The following ABCA12 variants were observed in gnomAD, a reference collection of about 807,000 sequenced individuals.
The protein encoded by ABCA12 is ATP binding cassette subfamily A member 12, also known as glucosylceramide transporter ABCA12.
ABCA12 carries 156 observed loss-of-function variants against 293.5 expected under a neutral mutation model. The observed-to-expected ratio is 0.53, with a 90% confidence interval of 0.47 to 0.61. ABCA12 has a LOEUF of 0.61. ABCA12 is among the 20% of genes least tolerant of loss of function. ABCA12 has a pLI of 0.00. For synonymous variants in ABCA12, 1,063 were observed against 1,108.0 expected (o/e 0.96, Z 0.81); for missense variants, 2,797 against 3,090.2 (o/e 0.91, Z 2.25).
intron 41 of ABCA12, among the ~76,000 whole-genome samples, chr2:214,957,543 T>C (rs1559114038): frequency 1.3e-5 from 2 of 152,190 alleles, no homozygotes; most frequent in African/African-American, 2.4e-5. Flanking sequence ...AACAAACACA[T>C]TTTAGACCTC....
In ABCA12 at chr2:215,009,466, A is replaced by T. The variant is rs554279837; in HGVS notation, c.2472+865T>A. Among the ~76,000 whole-genome samples, 15 of 94,618 alleles carry T rather than the reference A, an allele frequency of 1.6e-4. No homozygotes were observed. In the South Asian group the frequency reaches 4.4e-3, roughly 28 times the overall value. 62.1% of individuals were successfully genotyped at this position (94,618 alleles called of 152,430 possible). On this transcript the variant is annotated intron_variant, in intron 18 of 52. Coordinates refer to ENST00000272895, the MANE Select transcript of ABCA12 (RefSeq NM_173076.3). ...TAACCCTGAACTTAAAATAAAAGTT[A>T]AAAAAAATCAACAAATAATTGTTTA...
rs140452124 is a variant in ABCA12 at position 215,120,676 on chromosome 2, T to C, written c.70-8986A>G. 4.7e-3 allele frequency among the ~76,000 whole-genome samples: 719 copies of C among 152,274 alleles called. 8 individuals carry two copies. The highest frequency in any genetic ancestry group is 0.016 in the African/African-American group (678 of 41,570). Reference sequence around the variant, plus strand: ...TACGTTGAGACTTAGGGAAAATATATCTGCCATATGGTTATCCAACCTCTA... The same window carrying C: ...TACGTTGAGACTTAGGGAAAATATACCTGCCATATGGTTATCCAACCTCTA... On this transcript the variant is annotated intron_variant, in intron 1 of 52. Coordinates refer to ENST00000272895, the MANE Select transcript of ABCA12 (RefSeq NM_173076.3).
intron 8 of ABCA12, among the ~76,000 whole-genome samples, chr2:215,033,024 G>A (rs1187746378): frequency 6.6e-6 from 1 of 152,190 alleles, no homozygotes; most frequent in Non-Finnish European, 1.5e-5. Flanking sequence ...TATCAGTCAT[G>A]TTTAAGTAAC....
At chr2:215,008,996 G>A (rs1188106606) in intron 18 of ABCA12, among the ~76,000 whole-genome samples, 6 of 152,104 alleles carry the variant, frequency 3.9e-5, no homozygotes, top group Non-Finnish European at 2.9e-5. Context: ...GGGAATATAG[G>A]TCATTCTATT....
chr2:214,947,275 TA>T, intron 48 of ABCA12, 146 bp downstream of exon 48: 1 of 1,071,074 alleles, frequency 9.3e-7, no homozygotes, highest in Non-Finnish European at 1.4e-6. Context: ...ATTGAGATAG[TA>T]TACATAAAGT....
intron 44 of ABCA12, among the ~76,000 whole-genome samples, chr2:214,952,314 G>T (rs1698804608): frequency 6.6e-6 from 1 of 151,656 alleles, no homozygotes; most frequent in South Asian, 2.1e-4. Flanking sequence ...TCCGCCTCCT[G>T]GGTTCAAGCA....
chr2:215,058,130 C>A (rs910803944), intron 3 of ABCA12, among the ~76,000 whole-genome samples: 1 of 152,004 alleles, frequency 6.6e-6, no homozygotes, highest in Non-Finnish European at 1.5e-5. Context: ...AAGCCTCTTG[C>A]AACCAGAAAC....
chr2:215,045,055 G>T (rs966188250), intron 7 of ABCA12, among the ~76,000 whole-genome samples: 2 of 152,068 alleles, frequency 1.3e-5, no homozygotes, highest in Non-Finnish European at 2.9e-5. Flanking sequence ...ACTGTTTGTT[G>T]TAAGATTCAA....
intron 14 of ABCA12, among the ~76,000 whole-genome samples, chr2:215,016,613 A>AAAAAAAAAAAAAAAAAAAAAAC (rs1700512044): frequency 7.1e-6 from 1 of 140,438 alleles, no homozygotes; most frequent in Non-Finnish European, 1.6e-5. Flanking sequence ...AAAAAAAAAA[A>AAAAAAAAAAAAAAAAAAAAAAC]AGACTTTGCT....
chr2:215,068,888 A>T, intron 2 of ABCA12, among the ~76,000 whole-genome samples: 1 of 152,154 alleles, frequency 6.6e-6, no homozygotes, highest in Non-Finnish European at 1.5e-5. Flanking sequence ...CACTGTCTAG[A>T]GAAGTGCTAT....
intron 2 of ABCA12, among the ~76,000 whole-genome samples, chr2:215,071,030 C>G (rs1701726302): frequency 6.6e-6 from 1 of 151,450 alleles, no homozygotes; most frequent in Non-Finnish European, 1.5e-5. Context: ...AAAATACACA[C>G]TCAAGAAAAC....
Position 215,046,019 on chromosome 2 carries a change from A to G in ABCA12, c.694-4T>C. The G allele has an allele frequency of 6.2e-7, 1 of 1,613,138 alleles. No homozygotes were observed. The highest frequency in any genetic ancestry group is 8.5e-7 in the Non-Finnish European group (1 of 1,179,556). ...GATTGTTGGGGTCACTGGATAGCTT[A>G]AAATATAAAACCACAAACAGAGCAA... is the stretch of plus-strand genomic sequence containing the variant. On this transcript the variant is annotated splice_polypyrimidine_tract_variant and splice_region_variant and intron_variant, in intron 6 of 52. Transcript: ENST00000272895.
At chr2:215,100,236 C>T (rs969294226) in intron 2 of ABCA12, among the ~76,000 whole-genome samples, 3 of 152,112 alleles carry the variant, frequency 2.0e-5, no homozygotes, top group Admixed American at 6.6e-5. Context: ...TCCCAGTCTA[C>T]TCTCAAGCAA....
intron 8 of ABCA12, chr2:215,035,782 G>C (rs1169292060): frequency 6.6e-6 from 1 of 151,708 alleles, no homozygotes; most frequent in African/African-American, 2.4e-5. Flanking sequence ...AATGGGTTCT[G>C]CTCCCTGCTT....
At position 214,947,520 on chromosome 2, in the gene ABCA12, G is replaced by C; in HGVS notation, c.7141C>G (p.Pro2381Ala). ...HKLLRRLHLM[P>A]FKDRATSMCS... is the part of the protein sequence containing the mutation. ...ATAGAGGTAGCTCTGTCCTTGAAGGGCATCAGGTGAAGTCTCCTAAGGAGT... is the reference window on the plus strand; with the variant it reads ...ATAGAGGTAGCTCTGTCCTTGAAGGCCATCAGGTGAAGTCTCCTAAGGAGT... Residue 2381 changes from proline to alanine, a missense_variant, in exon 48 of 53, where the codon CCC becomes GCC. Physicochemically the swap from Pro to Ala is conservative, Grantham distance 27. Transcript: ENST00000272895. 1.2e-6 allele frequency: 2 copies of C among 1,613,858 alleles called. No homozygotes were observed. The highest frequency in any genetic ancestry group is 1.1e-5 in the South Asian group (1 of 91,066).
At position 215,138,106 on chromosome 2, in the gene ABCA12, A is replaced by G. The variant is rs41329246; in HGVS notation, c.69+34T>C. On this transcript the variant is annotated intron_variant, in intron 1 of 52. Transcript: ENST00000272895. ...TTAGGATTACCTGGCGTATTGCCCC[A>G]TGACCCATACTCCCACACTTTTTTT... The G allele has an allele frequency of 7.2e-3, 11,495 of 1,596,824 alleles. 738 individuals carry two copies. In the African/African-American group the frequency reaches 0.14, roughly 19 times the overall value.
rs1322039648 is a variant in ABCA12 at position 214,931,757 on chromosome 2, T to G, written c.*877A>C. The G allele has an allele frequency of 6.6e-6, 1 of 152,566 alleles. No homozygotes were observed. The highest frequency in any genetic ancestry group is 1.5e-5 in the Non-Finnish European group (1 of 68,036). 9.5% of individuals were successfully genotyped at this position (152,566 alleles called of 1,614,324 possible). A position where few individuals can be genotyped will look rare whatever the true frequency, so the allele number is the denominator to read the frequency against. On this transcript the variant is annotated 3_prime_UTR_variant, in exon 53 of 53. Transcript: ENST00000272895. Reference sequence around the variant, plus strand: ...AATTAGCTGAAAATTATCTTCATATTCGTTTTCCCTCCACAGGAATGTTTC... The same window carrying G: ...AATTAGCTGAAAATTATCTTCATATGCGTTTTCCCTCCACAGGAATGTTTC...
At chr2:214,938,325 TG>T (rs1201473933) in intron 50 of ABCA12, among the ~76,000 whole-genome samples, 1 of 152,184 alleles carries the variant, frequency 6.6e-6, no homozygotes, top group Non-Finnish European at 1.5e-5. Context: ...TAGTATTCCA[TG>T]GGGTATATGT....
intron 9 of ABCA12, among the ~76,000 whole-genome samples, chr2:215,027,663 T>G (rs1002679624): frequency 6.6e-6 from 1 of 152,188 alleles, no homozygotes; most frequent in African/African-American, 2.4e-5. Context: ...CCTGCAATTT[T>G]TTTTTACTTT....
Sources: gnomAD v4.1 joint callset for allele counts (sites outside exome capture counted in the v4.1 genomes callset) on GRCh38, gnomAD v4.1.1 for gene constraint, MANE v1.5 for transcripts, NCBI Gene and HGNC (gene_info 2026-07-23, HGNC 2026-07-21) for gene names.